The following ZCCHC4 variants were observed in gnomAD, a reference collection of about 807,000 sequenced individuals.
The protein encoded by ZCCHC4 is rRNA N(6)-adenosine-methyltransferase ZCCHC4.
In ZCCHC4, 54 loss-of-function variants were observed where a neutral mutation model predicts 67.7. The observed-to-expected ratio is 0.80, with a 90% CI of 0.64 to 1.00. The LOEUF is 1.00. ZCCHC4 is among the 50% of genes least tolerant of loss of function. The probability of loss-of-function intolerance (pLI) is 0.00; values close to 1 mark genes in which losing one functional copy is unlikely to be tolerated. For synonymous variants in ZCCHC4, 198 were observed against 213.5 expected (o/e 0.93, Z 0.63); for missense variants, 609 against 617.0 (o/e 0.99, Z 0.14).
At chr4:25,335,701 A>G (rs186258598) in intron 5 of ZCCHC4, among the ~76,000 whole-genome samples, 2 of 152,362 alleles carry the variant, frequency 1.3e-5, no homozygotes, top group African/African-American at 4.8e-5. Flanking sequence ...TAGAGGTTGT[A>G]GTGAGCCGAG....
Position 25,359,562 on chromosome 4 carries a change from A to T in ZCCHC4, c.1012-2297A>T, listed in dbSNP as rs1159083343. On this transcript the variant is annotated intron_variant, in intron 8 of 12. Transcript: ENST00000302874. This position sits in a 1 kb window ranked among gnomAD's most constrained non-coding sequence, Gnocchi z 4.9. ...AGGGGTCCGTGCCACAAAGAAGGGAAAGATGCCCCACCTGCAGGGGTGCCC... is the reference window on the plus strand; with the variant it reads ...AGGGGTCCGTGCCACAAAGAAGGGATAGATGCCCCACCTGCAGGGGTGCCC... 1.3e-5 allele frequency among the ~76,000 whole-genome samples: 2 copies of T among 152,194 alleles called. No individual in the cohort carries two copies. Among genetic ancestry groups the T allele is most frequent in the African/African-American group, 4.8e-5 (2 of 41,458 alleles).
rs991401737 is a variant in ZCCHC4, at chr4:25,370,325, T to G, written c.*1161T>G. ...TTCTTCATTATTATCATTATTATAA[T>G]GGGGAGAATAACAGCTATACCTGAG... On this transcript the variant is annotated 3_prime_UTR_variant, in exon 13 of 13. Transcript: ENST00000302874. 2.0e-5 allele frequency: 3 copies of G among 152,214 alleles called. No individual in the cohort carries two copies. The highest frequency in any genetic ancestry group is 7.2e-5 in the African/African-American group (3 of 41,456). 9.4% of individuals were successfully genotyped at this position (152,214 alleles called of 1,614,324 possible).
chr4:25,355,196 A>G (rs316775), intron 8 of ZCCHC4, among the ~76,000 whole-genome samples: 49,714 of 152,006 alleles, frequency 0.33, 9,681 homozygotes, highest in African/African-American at 0.54. Context: ...CTCTGATTTC[A>G]AGTCAGAAGT....
At position 25,370,054 on chromosome 4, in the gene ZCCHC4, G is replaced by A. The variant is rs951283698; in HGVS notation, c.*890G>A. ...ATTTATTCTTCAAGTACTTTTTGCA[G>A]TTGTCCTCTGACGGTCTAGAATCAC... On this transcript the variant is annotated 3_prime_UTR_variant, in exon 13 of 13. Coordinates refer to ENST00000302874, the MANE Select transcript of ZCCHC4 (RefSeq NM_024936.3). 8 of 152,092 alleles carry A rather than the reference G, an allele frequency of 5.3e-5. No homozygotes were observed. Among genetic ancestry groups the A allele is most frequent in the Non-Finnish European group, 8.8e-5 (6 of 68,026 alleles). 9.4% of individuals were successfully genotyped at this position (152,092 alleles called of 1,614,324 possible). A position where few individuals can be genotyped will look rare whatever the true frequency, so the allele number is the denominator to read the frequency against.
intron 11 of ZCCHC4, among the ~76,000 whole-genome samples, 196 bp downstream of exon 11, chr4:25,364,701 A>C (rs1720875515): frequency 6.6e-6 from 1 of 152,216 alleles, no homozygotes; most frequent in South Asian, 2.1e-4. Context: ...ATGATTGCTA[A>C]CCTGTTTCAG....
At position 25,335,145 on chromosome 4, in the gene ZCCHC4, C is replaced by T. The variant is rs116593524; in HGVS notation, c.686+1157C>T. On this transcript the variant is annotated intron_variant, in intron 5 of 12. Coordinates refer to ENST00000302874, the MANE Select transcript of ZCCHC4 (RefSeq NM_024936.3). ...ACAGATTTTTAAAGTGTAAAATGTC[C>T]GTTTAAAAAGTGTAGTTTGGGTCAG... Among the ~76,000 whole-genome samples the T allele has an allele frequency of 2.8e-3, 425 of 152,252 alleles. 2 individuals are homozygous for T. Among genetic ancestry groups the T allele is most frequent in the African/African-American group, 9.6e-3 (397 of 41,522 alleles).
chr4:25,369,299 C>T lies in ZCCHC4; in HGVS notation c.*135C>T. 1 of 1,266,942 alleles carries T rather than the reference C, an allele frequency of 7.9e-7. No homozygotes were observed. Among genetic ancestry groups the T allele is most frequent in the Non-Finnish European group, 1.1e-6 (1 of 914,852 alleles). 78.5% of individuals were successfully genotyped at this position (1,266,942 alleles called of 1,614,324 possible). On this transcript the variant is annotated 3_prime_UTR_variant, in exon 13 of 13. Transcript: ENST00000302874. ...TCTGAGCTAGATAACAGGCAGGTGG[C>T]ATTTGCTGGTTTACAGTCCCTTATC...
intron 12 of ZCCHC4, among the ~76,000 whole-genome samples, chr4:25,367,854 A>C (rs575988545): frequency 9.2e-5 from 14 of 152,286 alleles, no homozygotes; most frequent in Non-Finnish European, 1.8e-4. Context: ...TGCATATATA[A>C]ATAATTTAAA....
chr4:25,333,278 A>T lies in ZCCHC4; in HGVS notation c.425A>T (p.Glu142Val). ...CCAGATGACTGGGGGCAACATAGTG[A>T]GCATCAGGTTCTGGGTAATGTGTCC... Reference protein sequence around the residue: ...LLPDDWGQHSEHQVLGNVSIT... With the variant: ...LLPDDWGQHSVHQVLGNVSIT... Residue 142 changes from glutamate (E) to valine (V), a missense_variant, in exon 4 of 13, where the codon GAG (glutamate) becomes GTG (valine). Physicochemically the swap from Glu to Val is moderately radical, Grantham distance 121. Transcript: ENST00000302874. 8.7e-6 allele frequency: 14 copies of T among 1,614,128 alleles called. No homozygotes were observed. The highest frequency in any genetic ancestry group is 1.2e-5 in the Non-Finnish European group (14 of 1,179,998).
Position 25,361,940 on chromosome 4 carries a change from C to G in ZCCHC4, c.1093C>G (p.Pro365Ala). ...TCCCGTGCGTATTTTCACCAACATT[C>G]CGCCCAACAAAATAATCCTTCCTAC... Reference protein sequence around the residue: ...QSPVRIFTNIPPNKIILPTEE... With the variant: ...QSPVRIFTNIAPNKIILPTEE... The change falls in exon 9 of 13, where the codon CCG becomes GCG. Residue 365 changes from proline to alanine, a missense_variant. By Grantham distance (27) the Pro-to-Ala change is conservative (BLOSUM62 -1). Transcript: ENST00000302874. The G allele has an allele frequency of 6.2e-7, 1 of 1,614,010 alleles. No homozygotes were observed. The highest frequency in any genetic ancestry group is 1.1e-5 in the South Asian group (1 of 91,048).
intron 3 of ZCCHC4, among the ~76,000 whole-genome samples, chr4:25,317,583 C>CG (rs1718322122): frequency 6.6e-6 from 1 of 151,330 alleles, no homozygotes; most frequent in African/African-American, 2.4e-5. Context: ...GTAGTGGCAG[C>CG]GCCTATAATC....
chr4:25,328,477 T>C, intron 3 of ZCCHC4, among the ~76,000 whole-genome samples: 1 of 152,076 alleles, frequency 6.6e-6, no homozygotes, highest in Non-Finnish European at 1.5e-5. Flanking sequence ...TGACCTCAAG[T>C]GATCTGCCCA....
At chr4:25,368,308 T>C (rs1243788900) in intron 12 of ZCCHC4, among the ~76,000 whole-genome samples, 5 of 152,230 alleles carry the variant, frequency 3.3e-5, no homozygotes, top group African/African-American at 1.2e-4. Context: ...GGCATGATTC[T>C]GCTAGCTTGG....
intron 3 of ZCCHC4, among the ~76,000 whole-genome samples, chr4:25,323,154 T>A (rs1245678552): frequency 6.6e-6 from 1 of 152,246 alleles, no homozygotes; most frequent in Non-Finnish European, 1.5e-5. Context: ...TAGCTGTAAC[T>A]GATGATCATT....
chr4:25,351,922 G>A (rs1319267373), intron 8 of ZCCHC4, among the ~76,000 whole-genome samples: 1 of 152,114 alleles, frequency 6.6e-6, no homozygotes, highest in African/African-American at 2.4e-5. Context: ...AGAGGACAAA[G>A]CCCCAAGAAA....
intron 10 of ZCCHC4, 84 bp downstream of exon 10, chr4:25,362,385 ATTTTG>A (rs1200344688): frequency 1.2e-6 from 1 of 861,942 alleles, no homozygotes; most frequent in African/African-American, 1.7e-5. Flanking sequence ...TTTCAATGTT[ATTTTG>A]TTAATAGGAT....
intron 10 of ZCCHC4, among the ~76,000 whole-genome samples, chr4:25,364,099 G>A (rs1720855575): frequency 6.6e-6 from 1 of 151,972 alleles, no homozygotes; most frequent in African/African-American, 2.4e-5. Flanking sequence ...TTTCATTAAG[G>A]ATTATGCAGT....
chr4:25,325,201 G>A (rs1341774621), intron 3 of ZCCHC4, among the ~76,000 whole-genome samples: 1 of 108,730 alleles, frequency 9.2e-6, no homozygotes, highest in Admixed American at 1.2e-4. Context: ...CCGAGATCTC[G>A]CCACTGCACT....
chr4:25,324,961 C>T (rs1448685358), intron 3 of ZCCHC4, among the ~76,000 whole-genome samples: 9 of 152,040 alleles, frequency 5.9e-5, no homozygotes, highest in African/African-American at 7.2e-5. Flanking sequence ...GAAATATTTT[C>T]GGCCGGGCGC....
Sources: allele counts gnomAD v4.1 joint callset (sites outside exome capture counted in the v4.1 genomes callset), GRCh38; gene constraint gnomAD v4.1.1; non-coding constraint Gnocchi (gnomAD v3.1); transcripts MANE v1.5; gene names NCBI Gene and HGNC (gene_info 2026-07-23, HGNC 2026-07-21).